Variants in KCNIP4 observed in about 807,000 individuals in gnomAD.
KCNIP4 encodes potassium voltage-gated channel interacting protein 4, also known as Kv channel-interacting protein 4.
A neutral mutation model predicts 34.0 loss-of-function variants in KCNIP4; 12 were observed. The ratio of observed to expected loss-of-function variants is 0.35; its 90% confidence interval spans 0.23 to 0.57. The LOEUF (loss-of-function observed/expected upper bound fraction) is 0.57, where lower values mean the gene tolerates loss of function less well. Ranked by LOEUF, KCNIP4 falls within the 20% of genes least tolerant of loss-of-function variation. The pLI is 0.83. For missense variants in KCNIP4, 238 were observed against 311.7 expected, an observed-to-expected ratio of 0.76 and a Z score of 1.78; for synonymous variants, 124 against 102.2, an observed-to-expected ratio of 1.21 and a Z score of -1.29.
intron 1 of KCNIP4, among the ~76,000 whole-genome samples, chr4:20,920,651 G>A (rs550013865): frequency 4.6e-5 from 7 of 152,292 alleles, no homozygotes; most frequent in South Asian, 2.1e-4. Context: ...CCCTGTGGAC[G>A]ATGGAGAGTG....
At chr4:21,699,156 C>T (rs2109059875) in intron 1 of KCNIP4, among the ~76,000 whole-genome samples, 1 of 152,296 alleles carries the variant, frequency 6.6e-6, no homozygotes, top group East Asian at 1.9e-4. Context: ...ATTAGTTGAA[C>T]ACCCCATTTC....
At chr4:21,460,962 G>A (rs373418942) in intron 1 of KCNIP4, among the ~76,000 whole-genome samples, 16 of 152,036 alleles carry the variant, frequency 1.1e-4, no homozygotes, top group African/African-American at 3.6e-4. Context: ...GAGAAATACA[G>A]AAACGGAGAG....
intron 1 of KCNIP4, among the ~76,000 whole-genome samples, chr4:21,254,532 T>A (rs1220575433): frequency 6.6e-6 from 1 of 152,206 alleles, no homozygotes; most frequent in Non-Finnish European, 1.5e-5. Flanking sequence ...TTCATTTTTA[T>A]TTTTAATTGA....
chr4:21,719,896 G>C (rs1714661726), intron 1 of KCNIP4, among the ~76,000 whole-genome samples: 3 of 150,946 alleles, frequency 2.0e-5, no homozygotes, highest in Admixed American at 2.0e-4. Context: ...CTGGGAGGCA[G>C]AGGTTACAGC....
intron 1 of KCNIP4, among the ~76,000 whole-genome samples, chr4:21,086,640 C>A (rs1036106101): frequency 6.6e-6 from 1 of 152,094 alleles, no homozygotes; most frequent in African/African-American, 2.4e-5. Flanking sequence ...TTGTACCATT[C>A]TTGTATTCTT....
At chr4:20,892,265 G>C (rs1172787781) in intron 1 of KCNIP4, among the ~76,000 whole-genome samples, 1 of 152,264 alleles carries the variant, frequency 6.6e-6, no homozygotes, top group African/African-American at 2.4e-5. Flanking sequence ...TGCTGAAAAC[G>C]ATCTACAGAT....
At chr4:21,574,969 A>G (rs1740640437) in intron 1 of KCNIP4, among the ~76,000 whole-genome samples, 1 of 152,220 alleles carries the variant, frequency 6.6e-6, no homozygotes, top group Non-Finnish European at 1.5e-5. Flanking sequence ...CTTTGCATTT[A>G]GTAAAAATAT....
In KCNIP4 at chr4:20,734,565, T is replaced by G. The variant is rs529972799; in HGVS notation, c.537+63A>C. ...TTTTCAAATTAATAATTGCAATTAA[T>G]ATTTTAAAGTTAAGAAATGAAAATG... On this transcript the variant is annotated intron_variant, in intron 6 of 8. Coordinates refer to ENST00000382152, the MANE Select transcript of KCNIP4 (RefSeq NM_025221.6). The G allele has an allele frequency of 7.6e-6, 6 of 791,676 alleles. No individual in the cohort carries two copies. The Admixed American group carries it at 1.7e-4, about 22-fold the overall frequency. 49.0% of individuals were successfully genotyped at this position (791,676 alleles called of 1,614,324 possible).
At chr4:20,885,770 AT>A (rs1725236232) in intron 1 of KCNIP4, among the ~76,000 whole-genome samples, 1 of 152,170 alleles carries the variant, frequency 6.6e-6, no homozygotes, top group Non-Finnish European at 1.5e-5. Context: ...CAGCCACATA[AT>A]GCAGTCCAAA....
intron 3 of KCNIP4, among the ~76,000 whole-genome samples, chr4:20,808,884 C>A (rs1715398953): frequency 6.6e-6 from 1 of 152,202 alleles, no homozygotes; most frequent in African/African-American, 2.4e-5. Context: ...AAGCTCTATT[C>A]AGCTTAGATA....
At chr4:21,886,176 T>A (rs1017454787) in intron 1 of KCNIP4, among the ~76,000 whole-genome samples, 4 of 152,140 alleles carry the variant, frequency 2.6e-5, no homozygotes, top group Non-Finnish European at 4.4e-5. Context: ...CTTATTATGA[T>A]TTTCCAGGTT....
At chr4:21,782,869 AC>A (rs1381139430) in intron 1 of KCNIP4, among the ~76,000 whole-genome samples, 4 of 152,224 alleles carry the variant, frequency 2.6e-5, no homozygotes, top group African/African-American at 9.6e-5. Context: ...ATAAACAGCA[AC>A]CTAGATGGAT....
chr4:21,252,006 TATAATA>T (rs966063574), intron 1 of KCNIP4, among the ~76,000 whole-genome samples: 1 of 150,184 alleles, frequency 6.7e-6, no homozygotes, highest in Non-Finnish European at 1.5e-5. Flanking sequence ...AAACTTAAAG[TATAATA>T]ATAATAATAA....
intron 1 of KCNIP4, among the ~76,000 whole-genome samples, chr4:21,488,011 T>A (rs1274396954): frequency 6.6e-6 from 1 of 152,152 alleles, no homozygotes; most frequent in Non-Finnish European, 1.5e-5. Context: ...GAAACCAAAA[T>A]CTGTGCACTA....
intron 1 of KCNIP4, among the ~76,000 whole-genome samples, chr4:21,417,699 G>A (rs886679660): frequency 4.6e-5 from 7 of 152,130 alleles, no homozygotes; most frequent in African/African-American, 1.7e-4. Flanking sequence ...ATGTCATGAA[G>A]TAGTCCTCGG....
intron 1 of KCNIP4, among the ~76,000 whole-genome samples, chr4:21,061,941 G>A (rs1311400582): frequency 1.3e-5 from 2 of 152,084 alleles, no homozygotes; most frequent in Non-Finnish European, 2.9e-5. Context: ...CAGGCAGATG[G>A]CCATCTACAA....
At chr4:21,757,097 A>G (rs1406924142) in intron 1 of KCNIP4, among the ~76,000 whole-genome samples, 4 of 131,400 alleles carry the variant, frequency 3.0e-5, no homozygotes, top group African/African-American at 1.2e-4. Context: ...TCCTGTCTCA[A>G]AAAAAGAAAG....
chr4:21,119,845 A>C (rs1750006646), intron 1 of KCNIP4, among the ~76,000 whole-genome samples: 1 of 152,134 alleles, frequency 6.6e-6, no homozygotes, highest in Admixed American at 6.5e-5. Flanking sequence ...TAATTAGTAA[A>C]AGGTGCTAGA....
chr4:21,784,715 C>T (rs11732993), intron 1 of KCNIP4, among the ~76,000 whole-genome samples: 107,602 of 152,042 alleles, frequency 0.71, 42,194 homozygotes, highest in Non-Finnish European at 0.86. Flanking sequence ...CCAACTAGGT[C>T]AAATAAAAAT....
Sources: allele counts gnomAD v4.1 joint callset (sites outside exome capture counted in the v4.1 genomes callset), GRCh38; gene constraint gnomAD v4.1.1; transcripts MANE v1.5; gene names NCBI Gene and HGNC (gene_info 2026-07-23, HGNC 2026-07-21).